The following NUDT1 variants were observed in gnomAD, a reference collection of about 807,000 sequenced individuals.
NUDT1 encodes nudix hydrolase 1, also known as oxidized purine nucleoside triphosphate hydrolase.
NUDT1 carries 16 observed loss-of-function variants against 11.3 expected under a neutral mutation model. That is an observed-to-expected ratio of 1.41 (90% confidence interval 0.96 to 2.15). NUDT1 has a LOEUF of 2.15. NUDT1 is among the 30% of genes most tolerant of loss of function. The pLI, the probability that NUDT1 is intolerant of heterozygous loss-of-function variation, is 0.00. For synonymous variants in NUDT1, 101 were observed against 84.4 expected (o/e 1.20, Z -1.08); for missense variants, 234 against 208.4 (o/e 1.12, Z -0.76).
intron 1 of NUDT1, 100 bp from the exon 2 acceptor site, chr7:2,244,463 C>A: frequency 1.0e-6 from 1 of 952,764 alleles, no homozygotes; most frequent in Non-Finnish European, 1.5e-6. Flanking sequence ...CCCCCCCGCC[C>A]CCCACTGCCT....
chr7:2,250,597 A>G (rs913684637), intron 3 of NUDT1, among the ~76,000 whole-genome samples: 24 of 152,002 alleles, frequency 1.6e-4, no homozygotes, highest in African/African-American at 5.6e-4. Context: ...AGCTGGGACT[A>G]CAGGCGCCCG....
In NUDT1 at chr7:2,250,962, C is replaced by T. The variant is rs1428319180; in HGVS notation, c.432C>T (p.Thr144=). Reference sequence around the variant, plus strand: ...ACTTCAAGTTCCAGGGTCAGGACACCATCCTGGACTACACACTCCGCGAGG... The same window carrying T: ...ACTTCAAGTTCCAGGGTCAGGACACTATCCTGGACTACACACTCCGCGAGG... ...HGYFKFQGQD[T]ILDYTLREVD... is the part of the protein sequence containing the mutation. Residue 144 remains threonine (T), a synonymous_variant, in exon 4 of 4, where the codon ACC becomes ACT. Coordinates refer to ENST00000356714, the MANE Select transcript of NUDT1 (RefSeq NM_002452.4). 2 of 1,613,946 alleles carry T rather than the reference C, an allele frequency of 1.2e-6. No homozygotes were observed. The highest frequency in any genetic ancestry group is 3.3e-5 in the Admixed American group (2 of 60,008).
At chr7:2,242,980 G>A in intron 1 of NUDT1, 1 of 716,606 alleles carries the variant, frequency 1.4e-6, no homozygotes, top group Non-Finnish European at 2.6e-6. Context: ...TGGAGAGTGA[G>A]TGCAAGGTTT....
chr7:2,242,414 A>T (rs1794582518), intron 1 of NUDT1, 158 bp downstream of exon 1: 1 of 460,774 alleles, frequency 2.2e-6, no homozygotes, highest in Admixed American at 4.3e-5. Context: ...CGGGGGCTCG[A>T]GGGAGACGAG....
In NUDT1 at chr7:2,250,836, C is replaced by A; in HGVS notation, c.306C>A (p.Arg102=). The A allele has an allele frequency of 6.2e-7, 1 of 1,614,182 alleles. No individual in the cohort carries two copies. Among genetic ancestry groups the A allele is most frequent in the African/African-American group, 1.3e-5 (1 of 75,068 alleles). ...CTTCCCCCATTGGTACAGAAATGCG[C>A]CCATGCTGGTTCCAGCTGGATCAGA... The part of the protein sequence containing the change: ...QGTPVESDEM[R]PCWFQLDQIP... Residue 102 remains arginine, a synonymous_variant, in exon 4 of 4, where the codon CGC becomes CGA. Transcript: ENST00000356714.
intron 2 of NUDT1, among the ~76,000 whole-genome samples, chr7:2,246,743 G>A (rs1414547570): frequency 6.6e-6 from 1 of 152,190 alleles, no homozygotes; most frequent in Admixed American, 6.5e-5. Flanking sequence ...GGGTTTGAGG[G>A]GGGGAACTGA....
Position 2,244,580 on chromosome 7 carries a change from C to A in NUDT1, c.6C>A (p.Gly2=). ...CCTTTCAGAACCCAGGGACCATGGG[C>A]GCCTCCAGGCTCTATACCCTGGTGC... M[G]ASRLYTLVLV... The change falls in exon 2 of 4, where the codon GGC becomes GGA. Residue 2 remains glycine, a synonymous_variant. Coordinates refer to ENST00000356714, the MANE Select transcript of NUDT1 (RefSeq NM_002452.4). 6.3e-7 allele frequency: 1 copy of A among 1,577,590 alleles called. No individual in the cohort carries two copies. The highest frequency in any genetic ancestry group is 8.6e-7 in the Non-Finnish European group (1 of 1,159,810).
At chr7:2,248,890 T>A (rs1335858148) in intron 2 of NUDT1, among the ~76,000 whole-genome samples, 1 of 152,150 alleles carries the variant, frequency 6.6e-6, no homozygotes, top group Non-Finnish European at 1.5e-5. Context: ...CTTTAAGCTA[T>A]TAAGGGTTAA....
In NUDT1 at chr7:2,251,142, G is replaced by C. The variant is rs1484345317; in HGVS notation, c.*141G>C. 2.5e-6 allele frequency: 2 copies of C among 792,320 alleles called. No homozygotes were observed. Among genetic ancestry groups the C allele is most frequent in the Non-Finnish European group, 2.0e-6 (1 of 505,888 alleles). The allele number at this position is 792,320 out of a possible 1,614,324, so 49.1% of individuals were successfully genotyped here. On this transcript the variant is annotated 3_prime_UTR_variant, in exon 4 of 4. Coordinates refer to ENST00000356714, the MANE Select transcript of NUDT1 (RefSeq NM_002452.4). The stretch of plus-strand genomic sequence containing the variant: ...GGAAGGGAAAATAAAGCTATCTAGC[G>C]GTGGTTTTTTTTTTTTTTTTTTGGA...
chr7:2,250,749 C>T (rs34988901), intron 3 of NUDT1, 80 bp from the exon 4 acceptor site: 16,098 of 1,534,680 alleles, frequency 0.01, 547 homozygotes, highest in African/African-American at 0.1. Context: ...TGAGCCACCG[C>T]GCCCGGCCAA....
chr7:2,250,124 C>A (rs1794928257), intron 3 of NUDT1, 122 bp downstream of exon 3: 2 of 1,298,698 alleles, frequency 1.5e-6, no homozygotes, highest in Non-Finnish European at 2.1e-6. Context: ...CGTCCCCCTC[C>A]ACCCCACAGT....
intron 1 of NUDT1, chr7:2,244,332 C>T: frequency 2.3e-6 from 1 of 444,056 alleles, no homozygotes; most frequent in Non-Finnish European, 4.0e-6. Context: ...CTCTGCTCTG[C>T]TTGATCAGCC....
intron 3 of NUDT1, among the ~76,000 whole-genome samples, chr7:2,250,303 G>A (rs1016734384): frequency 2.6e-5 from 4 of 152,316 alleles, no homozygotes; most frequent in Non-Finnish European, 4.4e-5. Context: ...GTCAGTGTAC[G>A]TTTGGGCTGG....
Position 2,242,251 on chromosome 7 carries a change from G to A in NUDT1, c.-18G>A, listed in dbSNP as rs1794571094. ...AGAGGCCACGCCCCCGGAAGCGGCGGTGCAGGTACGAAAAGCGCGCGCGGG... is the reference window on the plus strand; with the variant it reads ...AGAGGCCACGCCCCCGGAAGCGGCGATGCAGGTACGAAAAGCGCGCGCGGG... On this transcript the variant is annotated 5_prime_UTR_variant, in exon 1 of 4. In the 5' UTR this introduces an upstream ATG that the reference lacks. Transcript: ENST00000356714. The A allele has an allele frequency of 2.9e-6, 4 of 1,403,326 alleles. No homozygotes were observed. The highest frequency in any genetic ancestry group is 2.8e-5 in the East Asian group (1 of 35,092). The allele number at this position is 1,403,326 out of a possible 1,614,324, so 86.9% of individuals were successfully genotyped here.
rs1185243792 is a variant in NUDT1 at position 2,249,948 on chromosome 7, G to C, written c.244G>C (p.Asp82His). The part of the protein sequence containing the change: ...FEFVGEPELM[D>H]VHVFCTDSIQ... ...GTTCGTGGGCGAGCCTGAGCTCATG[G>C]ACGTGCATGTCTTCTGCACAGACAG... The change falls in exon 3 of 4, where the codon GAC becomes CAC. Residue 82 changes from aspartate (D) to histidine (H), a missense_variant. Physicochemically the swap from Asp to His is moderately conservative, Grantham distance 81 (BLOSUM62 -1). Transcript: ENST00000356714. 5 of 1,614,118 alleles carry C rather than the reference G, an allele frequency of 3.1e-6. No homozygotes were observed. Among genetic ancestry groups the C allele is most frequent in the Non-Finnish European group, 4.2e-6 (5 of 1,180,048 alleles).
At chr7:2,249,741 T>C in intron 2 of NUDT1, 116 bp from the exon 3 acceptor site, 1 of 1,345,832 alleles carries the variant, frequency 7.4e-7, no homozygotes, top group Non-Finnish European at 1.0e-6. Flanking sequence ...GGGTCTCCCA[T>C]CCACCCTGGT....
At chr7:2,249,623 G>T in intron 2 of NUDT1, 1 of 576,518 alleles carries the variant, frequency 1.7e-6, no homozygotes, top group Non-Finnish European at 3.1e-6. Flanking sequence ...CCATCTCCGG[G>T]CCCCTCCCCA....
chr7:2,242,340 A>G, intron 1 of NUDT1, 84 bp downstream of exon 1: 1 of 606,566 alleles, frequency 1.6e-6, no homozygotes, highest in Admixed American at 3.5e-5. Context: ...AGACTAGGGG[A>G]GCTGAGCCAT....
Position 2,250,938 on chromosome 7 carries a change from C to A in NUDT1, c.408C>A (p.Tyr136Ter), listed in dbSNP as rs1366096023. The part of the protein sequence containing the change: ...LLLQKKKFHG[Y>*]FKFQGQDTIL... ...TTCAGAAGAAGAAATTCCACGGGTA[C>A]TTCAAGTTCCAGGGTCAGGACACCA... Residue 136 changes from tyrosine to a stop codon, truncating the protein, a stop_gained, in exon 4 of 4, where the codon TAC (tyrosine) becomes TAA (stop). Transcript: ENST00000356714. LOFTEE classifies it high-confidence loss of function. 6.2e-7 allele frequency: 1 copy of A among 1,613,874 alleles called. No homozygotes were observed.
Sources: gnomAD v4.1 joint callset for allele counts (sites outside exome capture counted in the v4.1 genomes callset) on GRCh38, gnomAD v4.1.1 for gene constraint, MANE v1.5 for transcripts, NCBI Gene and HGNC (gene_info 2026-07-23, HGNC 2026-07-21) for gene names.